Variants in SORL1 observed in about 807,000 individuals in gnomAD.
The protein encoded by SORL1 is sortilin-related receptor.
A neutral mutation model predicts 273.7 loss-of-function variants in SORL1; 127 were observed. The ratio of observed to expected loss-of-function variants is 0.46; its 90% CI spans 0.40 to 0.54. The LOEUF is 0.54. SORL1 is among the 20% of genes least tolerant of loss of function. SORL1 has a pLI of 0.00. For synonymous variants in SORL1, 1,031 were observed against 1,067.4 expected, an observed-to-expected ratio of 0.97 and a Z score of 0.66; for missense variants, 2,494 against 2,846.1, an observed-to-expected ratio of 0.88 and a Z score of 2.81.
At position 121,452,529 on chromosome 11, in the gene SORL1, C is replaced by T; in HGVS notation, c.198C>T (p.Ala66=). 6.7e-7 allele frequency: 1 copy of T among 1,484,100 alleles called. No homozygotes were observed. The highest frequency in any genetic ancestry group is 8.9e-7 in the Non-Finnish European group (1 of 1,122,748). 91.9% of individuals were successfully genotyped at this position (1,484,100 alleles called of 1,614,324 possible). The change falls in exon 1 of 48, where the codon GCC becomes GCT. Residue 66 remains alanine (A), a synonymous_variant. Coordinates refer to ENST00000260197, the MANE Select transcript of SORL1 (RefSeq NM_003105.6). The surrounding 1 kb of genome is among the most constrained non-coding windows in gnomAD (Gnocchi z 5.3). Reference sequence around the variant, plus strand: ...TGCGGCTGTGGGCGCGCGGGGATGCCAGGGGGGCGAGCCGCGCGGACGAGA... The same window carrying T: ...TGCGGCTGTGGGCGCGCGGGGATGCTAGGGGGGCGAGCCGCGCGGACGAGA... ...RELRLWARGD[A]RGASRADEKP... is the part of the protein sequence containing the mutation.
At chr11:121,539,660 A>G (rs1862317390) in intron 12 of SORL1, among the ~76,000 whole-genome samples, 1 of 151,544 alleles carries the variant, frequency 6.6e-6, no homozygotes, top group African/African-American at 2.4e-5. Flanking sequence ...TTATTCAAAG[A>G]TTTTTTTCTT....
intron 1 of SORL1, among the ~76,000 whole-genome samples, chr11:121,457,300 C>T (rs956468325): frequency 6.6e-6 from 1 of 152,138 alleles, no homozygotes; most frequent in Non-Finnish European, 1.5e-5. Context: ...AGGTAATGCA[C>T]GTTTACAAAA....
chr11:121,522,857 C>T (rs1178283717), intron 10 of SORL1, 59 bp from the exon 11 acceptor site: 3 of 1,492,304 alleles, frequency 2.0e-6, no homozygotes, highest in African/African-American at 1.4e-5. Context: ...TCTGGCTGGG[C>T]AAGGTGATTA....
At chr11:121,522,095 A>T (rs184759842) in intron 9 of SORL1, among the ~76,000 whole-genome samples, 2 of 152,374 alleles carry the variant, frequency 1.3e-5, no homozygotes, top group East Asian at 3.9e-4. Context: ...TGCTTTTTAT[A>T]TCTCATTGAT....
chr11:121,466,949 T>TA (rs1565301680), intron 1 of SORL1, among the ~76,000 whole-genome samples: 1 of 150,744 alleles, frequency 6.6e-6, no homozygotes, highest in Admixed American at 6.6e-5. Context: ...AAGCTTTCCT[T>TA]AAAAAAAAGA....
chr11:121,612,157 AAAAG>A (rs1816512537), intron 39 of SORL1: 1 of 152,572 alleles, frequency 6.6e-6, no homozygotes, highest in African/African-American at 2.4e-5. Flanking sequence ...AGAAAAAAAG[AAAAG>A]AAAGAAAAAA....
At chr11:121,521,289 A>G (rs1440531950) in intron 9 of SORL1, among the ~76,000 whole-genome samples, 1 of 152,132 alleles carries the variant, frequency 6.6e-6, no homozygotes, top group Non-Finnish European at 1.5e-5. Context: ...GGCTTACCAC[A>G]TCAAATCTAA....
intron 18 of SORL1, 73 bp downstream of exon 18, chr11:121,555,391 C>A: frequency 6.4e-7 from 1 of 1,569,062 alleles, no homozygotes; most frequent in Non-Finnish European, 8.7e-7. Context: ...ACATTTGACA[C>A]AGAGGCAAGG....
intron 32 of SORL1, among the ~76,000 whole-genome samples, chr11:121,599,796 T>G (rs944243950): frequency 2.6e-5 from 4 of 152,224 alleles, no homozygotes; most frequent in African/African-American, 9.6e-5. Context: ...CTTCGGTGTT[T>G]AGCAGGATGC....
intron 45 of SORL1, among the ~76,000 whole-genome samples, chr11:121,624,412 C>G (rs1028285400): frequency 3.3e-5 from 5 of 152,136 alleles, no homozygotes; most frequent in Non-Finnish European, 5.9e-5. Context: ...TGGGCCAGGG[C>G]TGTCCCCAGG....
At chr11:121,578,299 CA>C (rs1862966754) in intron 25 of SORL1, among the ~76,000 whole-genome samples, 1 of 152,154 alleles carries the variant, frequency 6.6e-6, no homozygotes, top group African/African-American at 2.4e-5. Context: ...TTGTGTAATT[CA>C]TTGTTGAGTC....
chr11:121,486,701 G>A (rs1861477781), intron 3 of SORL1, among the ~76,000 whole-genome samples: 1 of 151,762 alleles, frequency 6.6e-6, no homozygotes, highest in Non-Finnish European at 1.5e-5. Context: ...GGATGGTCTC[G>A]ATCTCCTGAC....
intron 26 of SORL1, among the ~76,000 whole-genome samples, chr11:121,584,329 C>G (rs1242655344): frequency 6.6e-6 from 1 of 152,202 alleles, no homozygotes; most frequent in Non-Finnish European, 1.5e-5. Flanking sequence ...GTTGCTTCCA[C>G]TAATGTAATA....
At chr11:121,458,100 A>G (rs1323577125) in intron 1 of SORL1, among the ~76,000 whole-genome samples, 4 of 152,272 alleles carry the variant, frequency 2.6e-5, no homozygotes, top group African/African-American at 4.8e-5. Context: ...CAGTCTTATC[A>G]TAATCTGGAG....
intron 33 of SORL1, 131 bp downstream of exon 33, chr11:121,604,455 T>C (rs1353132085): frequency 9.7e-6 from 12 of 1,240,012 alleles, no homozygotes; most frequent in African/African-American, 1.5e-5. Context: ...TAAAACAGAT[T>C]TGTGCCTAGT....
Position 121,619,906 on chromosome 11 carries a change from G to C in SORL1, c.5878G>C (p.Asp1960His), listed in dbSNP as rs563358516. The C allele has an allele frequency of 5.9e-5, 96 of 1,613,678 alleles. 1 individual carries two copies. In the South Asian group the frequency reaches 1.0e-3, roughly 17 times the overall value. ...IKWESPYDSP[D>H]QDLLYAVAVK... is the part of the protein sequence containing the mutation. ...GTGGGAATCACCGTATGACTCTCCT[G>C]ACCAGGACTTGGTGAGTGGGTTGGG... Residue 1960 changes from aspartate (D) to histidine (H), a missense_variant, in exon 43 of 48, where the codon GAC becomes CAC. Transcript: ENST00000260197.
intron 17 of SORL1, 90 bp from the exon 18 acceptor site, chr11:121,555,097 G>A (rs1862558172): frequency 5.1e-6 from 7 of 1,367,542 alleles, no homozygotes; most frequent in African/African-American, 3.0e-5. Flanking sequence ...AGTCCTGCCA[G>A]TTGAATAAAG....
At chr11:121,522,742 T>C in intron 10 of SORL1, 39 bp downstream of exon 10, 1 of 1,529,512 alleles carries the variant, frequency 6.5e-7, no homozygotes, top group Non-Finnish European at 9.1e-7. Context: ...GGTTCAGCTG[T>C]CTGGTGATGT....
At chr11:121,487,798 CGGT>C (rs1861496414) in intron 3 of SORL1, among the ~76,000 whole-genome samples, 1 of 152,198 alleles carries the variant, frequency 6.6e-6, no homozygotes, top group Non-Finnish European at 1.5e-5. Flanking sequence ...AGCTTCATCC[CGGT>C]CCATCTCCAG....
Sources: allele counts gnomAD v4.1 joint callset (sites outside exome capture counted in the v4.1 genomes callset), GRCh38; gene constraint gnomAD v4.1.1; non-coding constraint Gnocchi (gnomAD v3.1); transcripts MANE v1.5; gene names NCBI Gene and HGNC (gene_info 2026-07-23, HGNC 2026-07-21).